SMG6: variants seen among roughly 807,000 people sequenced by gnomAD.
SMG6 encodes the protein telomerase-binding protein EST1A.
A neutral mutation model predicts 142.2 loss-of-function variants in SMG6; 66 were observed. The ratio of observed to expected loss-of-function variants is 0.46; its 90% CI spans 0.38 to 0.57. The LOEUF (loss-of-function observed/expected upper bound fraction) is 0.57, where lower values mean the gene tolerates loss of function less well. Ranked by LOEUF, SMG6 falls within the 20% of genes least tolerant of loss-of-function variation. The pLI, the probability that SMG6 is intolerant of heterozygous loss-of-function variation, is 0.00. For synonymous variants in SMG6, 779 were observed against 702.4 expected (o/e 1.11, Z -1.72); for missense variants, 1,793 against 1,832.0 (o/e 0.98, Z 0.39).
At chr17:2,292,375 G>A (rs758449183) in intron 6 of SMG6, among the ~76,000 whole-genome samples, 177 bp downstream of exon 6, 1 of 152,224 alleles carries the variant, frequency 6.6e-6, no homozygotes, top group Non-Finnish European at 1.5e-5. Flanking sequence ...GTTAAGTGAA[G>A]TGAGGAATCC....
intron 8 of SMG6, among the ~76,000 whole-genome samples, chr17:2,260,315 T>C (rs1338264098): frequency 6.6e-6 from 1 of 152,194 alleles, no homozygotes; most frequent in Non-Finnish European, 1.5e-5. Context: ...CAGGCCATGA[T>C]GTCACTTTCC....
intron 8 of SMG6, among the ~76,000 whole-genome samples, chr17:2,277,157 A>ATTTTTTTTTTTT (rs2074670932): frequency 1.0e-5 from 1 of 97,070 alleles, no homozygotes; most frequent in African/African-American, 4.2e-5. Flanking sequence ...TTATTTATTT[A>ATTTTTTTTTTTT]TTTATTTATT....
intron 13 of SMG6, among the ~76,000 whole-genome samples, chr17:2,128,149 C>G (rs1362425117): frequency 2.6e-5 from 4 of 152,202 alleles, no homozygotes; most frequent in Non-Finnish European, 5.9e-5. Flanking sequence ...ATGCCCAGGG[C>G]AAGGCCCCAC....
At chr17:2,227,047 A>G (rs1186052021) in intron 10 of SMG6, among the ~76,000 whole-genome samples, 4 of 152,252 alleles carry the variant, frequency 2.6e-5, no homozygotes, top group African/African-American at 7.2e-5. Context: ...CACATTTACT[A>G]GAATAGCTAA....
At chr17:2,118,730 G>T (rs1260319953) in intron 13 of SMG6, among the ~76,000 whole-genome samples, 1 of 151,780 alleles carries the variant, frequency 6.6e-6, no homozygotes, top group Non-Finnish European at 1.5e-5. Context: ...GGGACCACAG[G>T]TGTAGGCCAC....
rs60525218 is a variant in SMG6 at position 2,066,695 on chromosome 17, A to AC, written c.3836-1017_3836-1016insG. On this transcript the variant is annotated intron_variant, in intron 16 of 18. Coordinates refer to ENST00000263073, the MANE Select transcript of SMG6 (RefSeq NM_017575.5). ...CACACACACACACACACACACACAC[A>AC]ATGCCCATGCTTTCGGCACCCTGAG... Among the ~76,000 whole-genome samples the AC allele has an allele frequency of 3.6e-4, 54 of 149,628 alleles. 1 individual carries two copies. The highest frequency in any genetic ancestry group is 6.5e-4 in the South Asian group (3 of 4,634).
chr17:2,219,187 C>T (rs980252942), intron 10 of SMG6, among the ~76,000 whole-genome samples: 1 of 151,718 alleles, frequency 6.6e-6, no homozygotes, highest in East Asian at 2.0e-4. Context: ...GAGTTTGAGA[C>T]CAGCCTGGCC....
chr17:2,077,745 T>C (rs989298503), intron 15 of SMG6, among the ~76,000 whole-genome samples: 4 of 152,204 alleles, frequency 2.6e-5, no homozygotes, highest in African/African-American at 4.8e-5. Flanking sequence ...CTGCACACCA[T>C]AGCCTTGTAC....
chr17:2,213,661 T>C (rs748919276), intron 10 of SMG6: 1 of 152,378 alleles, frequency 6.6e-6, no homozygotes, highest in South Asian at 2.1e-4. Flanking sequence ...GCAGAGTTCT[T>C]GGAAAACAAG....
intron 8 of SMG6, among the ~76,000 whole-genome samples, chr17:2,260,947 G>T (rs2074297633): frequency 6.6e-6 from 1 of 150,772 alleles, no homozygotes; most frequent in African/African-American, 2.5e-5. Flanking sequence ...AGTGAGACGA[G>T]ATCATGCCAT....
intron 16 of SMG6, chr17:2,066,016 T>C (rs2067932277): frequency 2.9e-6 from 1 of 342,410 alleles, no homozygotes; most frequent in Non-Finnish European, 5.6e-6. Flanking sequence ...AAAGGGTCCC[T>C]CAGGAGAGTC....
At chr17:2,268,254 C>G (rs2074467021) in intron 8 of SMG6, among the ~76,000 whole-genome samples, 1 of 152,006 alleles carries the variant, frequency 6.6e-6, no homozygotes, top group Non-Finnish European at 1.5e-5. Context: ...AAACTATAAA[C>G]CTAAAGCCTC....
In SMG6 at chr17:2,061,490, C is replaced by T; in HGVS notation, c.*2G>A. ...CGGGGGGGGGGCCCCAGTGTGGCTC[C>T]CTCAGCCCACCTGGGCCCACGTGAG... On this transcript the variant is annotated 3_prime_UTR_variant, in exon 19 of 19. Coordinates refer to ENST00000263073, the MANE Select transcript of SMG6 (RefSeq NM_017575.5). 1 of 1,570,744 alleles carries T rather than the reference C, an allele frequency of 6.4e-7. No individual in the cohort carries two copies. The highest frequency in any genetic ancestry group is 8.6e-7 in the Non-Finnish European group (1 of 1,159,646).
chr17:2,120,308 A>C (rs953754616), intron 13 of SMG6, among the ~76,000 whole-genome samples: 1 of 152,266 alleles, frequency 6.6e-6, no homozygotes, highest in Non-Finnish European at 1.5e-5. Context: ...CATGTATCTG[A>C]CAAATTACTT....
At chr17:2,262,725 A>T (rs1386906957) in intron 8 of SMG6, among the ~76,000 whole-genome samples, 1 of 152,168 alleles carries the variant, frequency 6.6e-6, no homozygotes, top group Non-Finnish European at 1.5e-5. Flanking sequence ...TATTGCAAGT[A>T]TTTATTTACA....
intron 8 of SMG6, among the ~76,000 whole-genome samples, chr17:2,267,904 C>T (rs950082679): frequency 1.3e-5 from 2 of 151,834 alleles, no homozygotes; most frequent in African/African-American, 4.8e-5. Flanking sequence ...CCTGCCACCA[C>T]ACCCGGCTAA....
intron 13 of SMG6, among the ~76,000 whole-genome samples, chr17:2,119,998 C>T (rs1202186067): frequency 2.6e-5 from 4 of 152,112 alleles, no homozygotes; most frequent in African/African-American, 7.2e-5. Flanking sequence ...AGTAGAGAAA[C>T]GGTTTCACCG....
chr17:2,302,995 CACTT>C (rs1024209779), intron 1 of SMG6: 1 of 985,360 alleles, frequency 1.0e-6, no homozygotes, highest in Non-Finnish European at 1.2e-6. Flanking sequence ...AGAGGTGAGA[CACTT>C]AGAATCTTTC....
At chr17:2,121,872 C>T (rs1014036842) in intron 13 of SMG6, among the ~76,000 whole-genome samples, 13 of 152,088 alleles carry the variant, frequency 8.5e-5, no homozygotes, top group Admixed American at 2.6e-4. Context: ...CTCACTCTGT[C>T]GCCCAGGCTG....
Sources: gnomAD v4.1 joint callset for allele counts (sites outside exome capture counted in the v4.1 genomes callset) on GRCh38, gnomAD v4.1.1 for gene constraint, MANE v1.5 for transcripts, NCBI Gene and HGNC (gene_info 2026-07-23, HGNC 2026-07-21) for gene names.